The following PCBP3 variants were observed in gnomAD, a reference collection of about 807,000 sequenced individuals.
PCBP3 encodes poly(rC) binding protein 3.
A neutral mutation model predicts 52.7 loss-of-function variants in PCBP3; 25 were observed. The observed-to-expected ratio is 0.47, with a 90% CI of 0.35 to 0.66. PCBP3 has a LOEUF of 0.66. Among genes scored for constraint, PCBP3 ranks in the 30% least tolerant of loss-of-function variants. PCBP3 has a pLI of 0.01. For synonymous variants in PCBP3, 162 were observed against 183.0 expected (o/e 0.89, Z 0.93); for missense variants, 391 against 490.3 (o/e 0.80, Z 1.91).
intron 4 of PCBP3, among the ~76,000 whole-genome samples, chr21:45,798,122 G>C (rs2092088708): frequency 6.8e-6 from 1 of 146,642 alleles, no homozygotes; most frequent in Non-Finnish European, 1.5e-5. Context: ...ATGGACAGAT[G>C]CATGTATCCA....
At chr21:45,664,210 C>G (rs916256453) in intron 1 of PCBP3, among the ~76,000 whole-genome samples, 7 of 95,188 alleles carry the variant, frequency 7.4e-5, no homozygotes, top group Admixed American at 3.1e-4. Flanking sequence ...CACATATATA[C>G]AGAATAATAA....
chr21:45,822,442 G>T (rs1449201657), intron 4 of PCBP3, among the ~76,000 whole-genome samples: 4 of 152,174 alleles, frequency 2.6e-5, no homozygotes, highest in African/African-American at 7.2e-5. Context: ...CTATAAAAAT[G>T]ATTTTTTAAA....
At chr21:45,680,470 G>A (rs1485916712) in intron 2 of PCBP3, among the ~76,000 whole-genome samples, 1 of 152,082 alleles carries the variant, frequency 6.6e-6, no homozygotes, top group Non-Finnish European at 1.5e-5. Context: ...TTTATTTTCA[G>A]GGATTTTATT....
chr21:45,914,186 G>A lies in PCBP3; in HGVS notation c.675+161G>A, dbSNP rs117720265. The A allele has an allele frequency of 6.4e-4, 773 of 1,200,154 alleles. 2 individuals are homozygous for A. The East Asian group carries it at 0.013, about 20-fold the overall frequency. The allele number at this position is 1,200,154 out of a possible 1,614,324, so 74.3% of individuals were successfully genotyped here. ...CTTCCACCTACACCCAGCACCAGGC[G>A]GACGCAGGGGGCCTTCAGAGCGGCA... On this transcript the variant is annotated intron_variant, in intron 12 of 17. Coordinates refer to ENST00000681687, the MANE Select transcript of PCBP3 (RefSeq NM_001384156.1).
At chr21:45,920,058 A>G (rs1254655446) in intron 13 of PCBP3, among the ~76,000 whole-genome samples, 1 of 151,408 alleles carries the variant, frequency 6.6e-6, no homozygotes. Flanking sequence ...AGGGGGGGTC[A>G]CTTGACTTTG....
chr21:45,841,241 G>A (rs1381692985), intron 4 of PCBP3, among the ~76,000 whole-genome samples: 5 of 150,848 alleles, frequency 3.3e-5, no homozygotes, highest in South Asian at 2.1e-4. Flanking sequence ...CAGGAATCGC[G>A]GTTGTATGTA....
chr21:45,765,785 G>A (rs1049005179), intron 4 of PCBP3, among the ~76,000 whole-genome samples: 2 of 152,222 alleles, frequency 1.3e-5, no homozygotes, highest in Admixed American at 6.5e-5. Context: ...TGTGGATGAT[G>A]TTGATAAGAA....
At chr21:45,822,585 A>T (rs1251176984) in intron 4 of PCBP3, among the ~76,000 whole-genome samples, 1 of 151,760 alleles carries the variant, frequency 6.6e-6, no homozygotes, top group African/African-American at 2.4e-5. Flanking sequence ...GGATTAGGAG[A>T]GCAAGGGGCG....
intron 4 of PCBP3, among the ~76,000 whole-genome samples, chr21:45,790,135 G>A (rs560440356): frequency 5.4e-4 from 82 of 151,912 alleles, no homozygotes; most frequent in Middle Eastern, 3.4e-3. Flanking sequence ...GTGAGACTCC[G>A]TCTCAAAAAA....
In PCBP3 at chr21:45,712,659, G is replaced by C. The variant is rs116985301; in HGVS notation, c.-199-22733G>C. Among the ~76,000 whole-genome samples, 310 of 151,834 alleles carry C rather than the reference G, an allele frequency of 2.0e-3. 1 individual carries two copies. The highest frequency in any genetic ancestry group is 3.5e-3 in the Non-Finnish European group (241 of 67,950). On this transcript the variant is annotated intron_variant, in intron 2 of 17. Transcript: ENST00000681687. ...TGAGCTATTATATACTAATTATGAT[G>C]ATGATTATTATACATTTCTTGTGAG...
At chr21:45,914,214 C>G in intron 12 of PCBP3, 189 bp downstream of exon 12, 1 of 898,840 alleles carries the variant, frequency 1.1e-6, no homozygotes, top group South Asian at 1.8e-5. Flanking sequence ...GAGCGGCATT[C>G]CCCCACAGAG....
intron 5 of PCBP3, among the ~76,000 whole-genome samples, chr21:45,891,369 G>A (rs905720705): frequency 6.6e-6 from 1 of 152,240 alleles, no homozygotes; most frequent in African/African-American, 2.4e-5. Flanking sequence ...CTGGTTGAGT[G>A]GAAGAGCCAG....
chr21:45,724,532 G>C lies in PCBP3; in HGVS notation c.-199-10860G>C, dbSNP rs905118409. 9.9e-5 allele frequency among the ~76,000 whole-genome samples: 15 copies of C among 152,182 alleles called. No individual in the cohort carries two copies. Among genetic ancestry groups the C allele is most frequent in the Admixed American group, 9.8e-4 (15 of 15,284 alleles). Reference sequence around the variant, plus strand: ...CGAGGTGGGGACAGCTGGGAATCTCGCTGCCTTCATGGTGGCGGGCCAGGC... The same window carrying C: ...CGAGGTGGGGACAGCTGGGAATCTCCCTGCCTTCATGGTGGCGGGCCAGGC... On this transcript the variant is annotated intron_variant, in intron 2 of 17. Coordinates refer to ENST00000681687, the MANE Select transcript of PCBP3 (RefSeq NM_001384156.1). The surrounding 1 kb of genome is among the most constrained non-coding windows in gnomAD (Gnocchi z 5.3).
At chr21:45,933,714 G>A (rs894470327) in intron 15 of PCBP3, among the ~76,000 whole-genome samples, 1 of 152,244 alleles carries the variant, frequency 6.6e-6, no homozygotes, top group Non-Finnish European at 1.5e-5. Flanking sequence ...GGTTCATTCA[G>A]CACCAGCTGA....
chr21:45,814,709 AGTGATGAGTGAGTG>A (rs2092803115), intron 4 of PCBP3, among the ~76,000 whole-genome samples: 1 of 76,240 alleles, frequency 1.3e-5, no homozygotes, highest in Non-Finnish European at 2.5e-5. Flanking sequence ...ATGAGTGGTG[AGTGATGAGTGAGTG>A]GTGAGTGGTG....
intron 5 of PCBP3, among the ~76,000 whole-genome samples, chr21:45,888,700 G>C (rs1054142654): frequency 2.6e-5 from 4 of 152,274 alleles, no homozygotes; most frequent in African/African-American, 9.6e-5. Context: ...GGTGGGTTTT[G>C]AGTGAAGCTG....
At chr21:45,876,554 G>A (rs1004092029) in intron 5 of PCBP3, among the ~76,000 whole-genome samples, 2 of 152,200 alleles carry the variant, frequency 1.3e-5, no homozygotes, top group Non-Finnish European at 2.9e-5. Context: ...AGCCCTGGAT[G>A]GCCTCCGAAT....
intron 6 of PCBP3, among the ~76,000 whole-genome samples, chr21:45,898,633 C>A (rs1398453872): frequency 3.0e-5 from 3 of 98,648 alleles, no homozygotes; most frequent in Admixed American, 1.1e-4. Flanking sequence ...GCCTCCCTCT[C>A]CCTCCACGGG....
chr21:45,672,640 C>T (rs1476957483), intron 2 of PCBP3, among the ~76,000 whole-genome samples: 2 of 152,086 alleles, frequency 1.3e-5, no homozygotes, highest in Admixed American at 1.3e-4. Context: ...TCTCCCTACC[C>T]AGGGTATCTT....
Sources: allele counts gnomAD v4.1 joint callset (sites outside exome capture counted in the v4.1 genomes callset), GRCh38; gene constraint gnomAD v4.1.1; non-coding constraint Gnocchi (gnomAD v3.1); transcripts MANE v1.5; gene names NCBI Gene and HGNC (gene_info 2026-07-23, HGNC 2026-07-21).